The following KYAT3 variants were observed in gnomAD, a reference collection of about 807,000 sequenced individuals.
KYAT3 encodes kynurenine--oxoglutarate transaminase 3.
In KYAT3, 50 loss-of-function variants were observed where a neutral mutation model predicts 59.0. That is an observed-to-expected ratio of 0.85 (90% CI 0.68 to 1.07). KYAT3 has a LOEUF of 1.07. KYAT3 is among the 50% of genes least tolerant of loss of function. The pLI, the probability that KYAT3 is intolerant of heterozygous loss-of-function variation, is 0.00. For synonymous variants in KYAT3, 148 were observed against 177.0 expected, an observed-to-expected ratio of 0.84 and a Z score of 1.30; for missense variants, 497 against 533.3, an observed-to-expected ratio of 0.93 and a Z score of 0.67.
intron 1 of KYAT3, among the ~76,000 whole-genome samples, chr1:88,989,062 C>T (rs990942549): frequency 1.3e-5 from 2 of 152,078 alleles, no homozygotes; most frequent in African/African-American, 4.8e-5. Context: ...GAAAGAAAAC[C>T]CAGCTTTCTA....
At chr1:88,975,299 G>A (rs369736343) in intron 2 of KYAT3, among the ~76,000 whole-genome samples, 4 of 152,230 alleles carry the variant, frequency 2.6e-5, no homozygotes, top group South Asian at 4.1e-4. Context: ...CTACCGGCAC[G>A]TGCCACCATG....
chr1:88,932,778 G>T (rs1674934534), downstream of KYAT3, among the ~76,000 whole-genome samples: 1 of 152,072 alleles, frequency 6.6e-6, no homozygotes, highest in African/African-American at 2.4e-5. Context: ...TTACAGGTGT[G>T]AGCCATGGCA....
chr1:88,982,831 A>G (rs758986203), intron 2 of KYAT3: 24 of 1,613,878 alleles, frequency 1.5e-5, no homozygotes, highest in Non-Finnish European at 1.9e-5. Context: ...AGTAGAGATC[A>G]CTTCGGCTGC....
intron 9 of KYAT3, among the ~76,000 whole-genome samples, chr1:88,954,350 G>A (rs577528555): frequency 1.3e-5 from 2 of 152,256 alleles, no homozygotes; most frequent in African/African-American, 4.8e-5. Flanking sequence ...TATTAGCTGG[G>A]TAATCTCAGG....
downstream of KYAT3, among the ~76,000 whole-genome samples, chr1:88,935,373 AGAG>A (rs769010207): frequency 2.3e-4 from 26 of 113,354 alleles, no homozygotes; most frequent in African/African-American, 2.2e-4. Flanking sequence ...AGAGAGAGAG[AGAG>A]AAAAAAAAAA....
At chr1:88,990,688 A>ATC (rs1370360867) in intron 1 of KYAT3, among the ~76,000 whole-genome samples, 1 of 152,222 alleles carries the variant, frequency 6.6e-6, no homozygotes, top group Non-Finnish European at 1.5e-5. Flanking sequence ...TCACTAGGTA[A>ATC]TCTCATTGTG....
intron 2 of KYAT3, chr1:88,983,288 C>T: frequency 6.2e-7 from 1 of 1,613,908 alleles, no homozygotes; most frequent in Non-Finnish European, 8.5e-7. Context: ...TAGAGGAGCT[C>T]TTCCTCCCAT....
At chr1:88,939,117 T>G (rs956190379) in intron 13 of KYAT3, among the ~76,000 whole-genome samples, 10 of 152,194 alleles carry the variant, frequency 6.6e-5, no homozygotes, top group Admixed American at 2.0e-4. Flanking sequence ...ATCTAAGAGA[T>G]AAAATTTCTT....
At chr1:88,927,042 C>T in the KYAT3 span, among the ~76,000 whole-genome samples, 2 of 152,158 alleles carry the variant, frequency 1.3e-5, no homozygotes, top group African/African-American at 4.8e-5. Context: ...AAAAGGGGTG[C>T]AGGACTGCTA....
downstream of KYAT3, among the ~76,000 whole-genome samples, chr1:88,934,309 C>T (rs1674970073): frequency 6.6e-5 from 10 of 152,030 alleles, 1 homozygote; most frequent in Admixed American, 6.6e-4. Context: ...CAAAAATTAG[C>T]TAGGTGTGGT....
At chr1:88,939,108 T>C (rs532558322) in intron 13 of KYAT3, among the ~76,000 whole-genome samples, 1 of 152,318 alleles carries the variant, frequency 6.6e-6, no homozygotes, top group East Asian at 1.9e-4. Context: ...TTGTTTCCAA[T>C]CTAAGAGATA....
intron 2 of KYAT3, among the ~76,000 whole-genome samples, chr1:88,985,860 G>A (rs1677419367): frequency 6.6e-6 from 1 of 152,192 alleles, no homozygotes; most frequent in South Asian, 2.1e-4. Context: ...TGGACTAAAT[G>A]TACAAAAGGT....
intron 10 of KYAT3, among the ~76,000 whole-genome samples, chr1:88,950,134 C>T (rs1381317857): frequency 6.6e-6 from 1 of 152,120 alleles, no homozygotes; most frequent in African/African-American, 2.4e-5. Context: ...TCTGCTGGTG[C>T]CTTATCTTGG....
chr1:88,927,352 A>C, the KYAT3 span, among the ~76,000 whole-genome samples: 2 of 152,200 alleles, frequency 1.3e-5, no homozygotes, highest in South Asian at 4.1e-4. Context: ...AAGGGGGAGA[A>C]ACCTGGCCTC....
downstream of KYAT3, among the ~76,000 whole-genome samples, chr1:88,931,822 C>CT (rs777978582): frequency 1.4e-5 from 2 of 140,888 alleles, no homozygotes; most frequent in African/African-American, 2.6e-5. Flanking sequence ...CCAGCAACAG[C>CT]TACCCTCTTT....
chr1:88,921,569 T>C, the KYAT3 span, among the ~76,000 whole-genome samples: 1 of 152,248 alleles, frequency 6.6e-6, no homozygotes, highest in Non-Finnish European at 1.5e-5. Flanking sequence ...AATGATTTCT[T>C]ACCTAACTTC....
chr1:88,976,998 TGAA>T (rs2101068704), intron 2 of KYAT3, among the ~76,000 whole-genome samples: 1 of 152,198 alleles, frequency 6.6e-6, no homozygotes, highest in African/African-American at 2.4e-5. Flanking sequence ...AATTTATTAT[TGAA>T]GAAGAAAGGT....
intron 2 of KYAT3, among the ~76,000 whole-genome samples, 163 bp from the exon 3 acceptor site, chr1:88,969,630 C>T (rs909762982): frequency 6.6e-6 from 1 of 151,970 alleles, no homozygotes; most frequent in Admixed American, 6.6e-5. Context: ...AGGAATTCAT[C>T]TCCCACCTAC....
At chr1:88,983,699 C>T (rs746634608) in intron 2 of KYAT3, 16 of 1,613,890 alleles carry the variant, frequency 9.9e-6, no homozygotes, top group Admixed American at 3.3e-5. Flanking sequence ...GTTGGTTTCA[C>T]GGTCTTTTAT....
Sources: gnomAD v4.1 joint callset for allele counts (sites outside exome capture counted in the v4.1 genomes callset) on GRCh38, gnomAD v4.1.1 for gene constraint, MANE v1.5 for transcripts, NCBI Gene and HGNC (gene_info 2026-07-23, HGNC 2026-07-21) for gene names.